Variants in MBNL2 observed in about 807,000 individuals in gnomAD.
MBNL2 encodes the protein muscleblind-like protein 2.
MBNL2 carries 17 observed loss-of-function variants against 41.9 expected under a neutral mutation model. That is an observed-to-expected ratio of 0.41 (90% CI 0.28 to 0.61). The LOEUF (loss-of-function observed/expected upper bound fraction) is 0.61, where lower values mean the gene tolerates loss of function less well. Ranked by LOEUF, MBNL2 falls within the 20% of genes least tolerant of loss-of-function variation. MBNL2 has a pLI of 0.35. For synonymous variants in MBNL2, 195 were observed against 182.9 expected (o/e 1.07, Z -0.53); for missense variants, 336 against 505.6 (o/e 0.66, Z 3.22).
At chr13:97,209,100 A>G in the MBNL2 span, among the ~76,000 whole-genome samples, 1 of 152,364 alleles carries the variant, frequency 6.6e-6, no homozygotes, top group East Asian at 1.9e-4. Context: ...AATCCTTGAA[A>G]GACATGATTT....
At chr13:97,282,587 C>A (rs1176743052) in intron 2 of MBNL2, among the ~76,000 whole-genome samples, 4 of 151,956 alleles carry the variant, frequency 2.6e-5, no homozygotes, top group Non-Finnish European at 5.9e-5. Flanking sequence ...GTGTGTGTGC[C>A]CATGTGATTT....
the MBNL2 span, among the ~76,000 whole-genome samples, chr13:97,146,247 C>T: frequency 4.0e-5 from 6 of 151,688 alleles, no homozygotes; most frequent in East Asian, 1.9e-4. Context: ...GTGATCCTCC[C>T]GCCTCGGCCT....
chr13:97,327,559 G>GT (rs1555315061), intron 2 of MBNL2, among the ~76,000 whole-genome samples: 1 of 24,988 alleles, frequency 4.0e-5, no homozygotes, highest in Non-Finnish European at 6.2e-5. Flanking sequence ...TACGTTATTT[G>GT]TAAAAAAAAA....
the MBNL2 span, among the ~76,000 whole-genome samples, chr13:97,189,705 G>T: frequency 6.6e-6 from 1 of 152,170 alleles, no homozygotes; most frequent in African/African-American, 2.4e-5. Context: ...ATACATACAT[G>T]TGTGGACACA....
chr13:97,379,483 TAACA>T (rs1452951203), intron 8 of MBNL2, among the ~76,000 whole-genome samples: 1 of 152,170 alleles, frequency 6.6e-6, no homozygotes, highest in Non-Finnish European at 1.5e-5. Context: ...CAGGTAAACG[TAACA>T]ACACTAGTTG....
chr13:97,380,602 C>G (rs1053987725), intron 8 of MBNL2, among the ~76,000 whole-genome samples: 2 of 152,120 alleles, frequency 1.3e-5, no homozygotes, highest in Non-Finnish European at 2.9e-5. Context: ...ATGGGTCTTA[C>G]ATGGTGAGGG....
At chr13:97,231,142 G>A (rs1035580391) in intron 1 of MBNL2, among the ~76,000 whole-genome samples, 3 of 152,144 alleles carry the variant, frequency 2.0e-5, no homozygotes, top group Admixed American at 2.0e-4. Flanking sequence ...ATTGAACCCA[G>A]CCATAAGGAC....
chr13:97,154,840 T>C, the MBNL2 span, among the ~76,000 whole-genome samples: 141 of 152,002 alleles, frequency 9.3e-4, 1 homozygote, highest in African/African-American at 3.2e-3. Context: ...GATGGATGGA[T>C]AGACAAGCTG....
chr13:97,304,540 G>A (rs1275966627), intron 2 of MBNL2, among the ~76,000 whole-genome samples: 1 of 152,152 alleles, frequency 6.6e-6, no homozygotes, highest in African/African-American at 2.4e-5. Flanking sequence ...TCTGACAAGT[G>A]AAGGATTTCA....
chr13:97,287,061 T>C (rs2054608001), intron 2 of MBNL2, among the ~76,000 whole-genome samples: 1 of 152,208 alleles, frequency 6.6e-6, no homozygotes, highest in African/African-American at 2.4e-5. Flanking sequence ...TCTGGCTGAC[T>C]ATTACTCAGT....
the MBNL2 span, among the ~76,000 whole-genome samples, chr13:97,199,290 C>T: frequency 6.6e-6 from 1 of 152,282 alleles, no homozygotes. Flanking sequence ...AAAAGGGCAG[C>T]ACTTTCCATA....
chr13:97,293,968 G>A (rs895938950), intron 2 of MBNL2, among the ~76,000 whole-genome samples: 10 of 151,736 alleles, frequency 6.6e-5, no homozygotes, highest in South Asian at 2.1e-4. Flanking sequence ...CCTTTCCCCC[G>A]AGTCCCCAAT....
chr13:97,283,041 G>A (rs973034462), intron 2 of MBNL2, among the ~76,000 whole-genome samples: 10 of 152,096 alleles, frequency 6.6e-5, no homozygotes, highest in Non-Finnish European at 1.0e-4. Flanking sequence ...TAACATCTCC[G>A]TTTCATTTTG....
In MBNL2 at chr13:97,383,215, A is replaced by T. The variant is rs911207609; in HGVS notation, c.1049-8107A>T. Among the ~76,000 whole-genome samples the T allele has an allele frequency of 2.0e-5, 3 of 152,214 alleles. No individual in the cohort carries two copies. The East Asian group carries it at 5.8e-4, about 29-fold the overall frequency. On this transcript the variant is annotated intron_variant, in intron 8 of 8. Coordinates refer to ENST00000679496, the MANE Select transcript of MBNL2 (RefSeq NM_001382683.1). ...CCCCCAGGGGAGCTAGGATTGAAGG[A>T]GACTGTCTGGAGTCAGGGAGGGGAT... is the stretch of plus-strand genomic sequence containing the variant.
intron 1 of MBNL2, among the ~76,000 whole-genome samples, chr13:97,225,850 G>A (rs1001180545): frequency 2.6e-5 from 4 of 152,186 alleles, no homozygotes; most frequent in South Asian, 4.1e-4. Flanking sequence ...CATCCTTTCC[G>A]GAAGGGTCGA....
At chr13:97,352,251 C>T (rs1235183036) in intron 5 of MBNL2, among the ~76,000 whole-genome samples, 2 of 152,148 alleles carry the variant, frequency 1.3e-5, no homozygotes, top group East Asian at 1.9e-4. Flanking sequence ...ACATGGATAA[C>T]CTTGGCACAG....
chr13:97,236,243 C>T (rs554078553), intron 1 of MBNL2, among the ~76,000 whole-genome samples: 109 of 152,250 alleles, frequency 7.2e-4, no homozygotes, highest in African/African-American at 2.4e-3. Flanking sequence ...ACTTTATTTT[C>T]CCCCTGCTTT....
At chr13:97,160,475 G>A in the MBNL2 span, among the ~76,000 whole-genome samples, 15,461 of 152,138 alleles carry the variant, frequency 0.1, 869 homozygotes, top group South Asian at 0.16. Context: ...ACTGCATTTA[G>A]TTTGTACTTA....
chr13:97,194,395 C>T, the MBNL2 span, among the ~76,000 whole-genome samples: 2 of 152,154 alleles, frequency 1.3e-5, no homozygotes, highest in Non-Finnish European at 2.9e-5. Context: ...CAGTGATCTC[C>T]AGAAAATACA....
Sources: allele counts gnomAD v4.1 joint callset (sites outside exome capture counted in the v4.1 genomes callset), GRCh38; gene constraint gnomAD v4.1.1; transcripts MANE v1.5; gene names NCBI Gene and HGNC (gene_info 2026-07-23, HGNC 2026-07-21).